Variants in CCDC134 observed in about 807,000 individuals in gnomAD.
CCDC134 encodes coiled-coil domain containing 134, also known as coiled-coil domain-containing protein 134.
In CCDC134, 27 loss-of-function variants were observed where a neutral mutation model predicts 25.6. The observed-to-expected ratio is 1.05, with a 90% CI of 0.78 to 1.45. CCDC134 has a LOEUF of 1.45. Among genes scored for constraint, CCDC134 ranks in the 40% most tolerant of loss-of-function variants. The pLI is 0.00. For missense variants in CCDC134, 261 were observed against 286.7 expected (o/e 0.91, Z 0.65); for synonymous variants, 110 against 115.0 (o/e 0.96, Z 0.28).
rs7285782 is a variant in CCDC134 at position 41,829,014 on chromosome 22, T to G, written c.*3191T>G. The stretch of plus-strand genomic sequence containing the variant: ...CGTTTGGGGCTAGGTAATCGTTGGG[T>G]GTGTGAGTGTGAAGAGGGCTGTCCT... On this transcript the variant is annotated 3_prime_UTR_variant, in exon 7 of 7. Transcript: ENST00000255784. Among the ~76,000 whole-genome samples the G allele has an allele frequency of 0.35, 52,893 of 151,978 alleles. 10,123 individuals carry two copies. The highest frequency in any genetic ancestry group is 0.44 in the Non-Finnish European group (29,660 of 67,934).
At chr22:41,823,677 C>T (rs747885070) in intron 6 of CCDC134, among the ~76,000 whole-genome samples, 2 of 152,240 alleles carry the variant, frequency 1.3e-5, no homozygotes, top group African/African-American at 2.4e-5. Context: ...CCCAGCAACT[C>T]AGAGCATAAG....
In CCDC134 at chr22:41,831,231, C is replaced by G. The variant is rs2076707322; in HGVS notation, c.*5408C>G. On this transcript the variant is annotated 3_prime_UTR_variant, in exon 7 of 7. Coordinates refer to ENST00000255784, the MANE Select transcript of CCDC134 (RefSeq NM_024821.5). ...CTTTTTTTTGAGACAGAGTCTTGCT[C>G]TGTCTCCCAGGCTGGAGTGCAGCGA... The G allele has an allele frequency of 6.6e-6, 1 of 152,116 alleles. No homozygotes were observed. The highest frequency in any genetic ancestry group is 2.1e-4 in the South Asian group (1 of 4,814). The allele number at this position is 152,116 out of a possible 1,614,324, so 9.4% of individuals were successfully genotyped here. A position where few individuals can be genotyped will look rare whatever the true frequency, so the allele number is the denominator to read the frequency against.
intron 4 of CCDC134, among the ~76,000 whole-genome samples, chr22:41,810,737 G>A (rs1187411878): frequency 6.6e-6 from 1 of 151,846 alleles, no homozygotes; most frequent in Non-Finnish European, 1.5e-5. Flanking sequence ...CTCATGATCC[G>A]CCCACCTCGG....
At chr22:41,811,987 G>A (rs1236518283) in intron 4 of CCDC134, among the ~76,000 whole-genome samples, 1 of 152,124 alleles carries the variant, frequency 6.6e-6, no homozygotes, top group Non-Finnish European at 1.5e-5. Context: ...CACTAACAAA[G>A]CTCAGTCTAA....
At chr22:41,812,244 A>C (rs1277353583) in intron 4 of CCDC134, among the ~76,000 whole-genome samples, 2 of 152,074 alleles carry the variant, frequency 1.3e-5, no homozygotes, top group Non-Finnish European at 2.9e-5. Context: ...AACACGGTGA[A>C]ACCCCATCTC....
At chr22:41,801,413 C>G (rs145486270) in intron 1 of CCDC134, among the ~76,000 whole-genome samples, 1 of 152,260 alleles carries the variant, frequency 6.6e-6, no homozygotes, top group African/African-American at 2.4e-5. Flanking sequence ...CAGCTCTGAT[C>G]TCAGGTAGCC....
intron 6 of CCDC134, among the ~76,000 whole-genome samples, chr22:41,818,341 A>G (rs1374804271): frequency 1.3e-5 from 2 of 152,182 alleles, no homozygotes; most frequent in African/African-American, 2.4e-5. Flanking sequence ...CAAAATGGCA[A>G]ACTCCCCGGA....
rs1284275582 is a variant in CCDC134, at chr22:41,826,484, G to C, written c.*661G>C. The stretch of plus-strand genomic sequence containing the variant: ...TTGACAAATGATTGGTGTTGGGAAA[G>C]GACCTGGAAGTGCCCTGGGACCTGG... On this transcript the variant is annotated 3_prime_UTR_variant, in exon 7 of 7. Coordinates refer to ENST00000255784, the MANE Select transcript of CCDC134 (RefSeq NM_024821.5). 6.6e-6 allele frequency among the ~76,000 whole-genome samples: 1 copy of C among 152,258 alleles called. No homozygotes were observed. Among genetic ancestry groups the C allele is most frequent in the Non-Finnish European group, 1.5e-5 (1 of 68,038 alleles).
chr22:41,809,868 A>C lies in CCDC134; in HGVS notation c.104-11A>C. 6.2e-7 allele frequency: 1 copy of C among 1,614,096 alleles called. No individual in the cohort carries two copies. Among genetic ancestry groups the C allele is most frequent in the Non-Finnish European group, 8.5e-7 (1 of 1,180,008 alleles). ...CTATTGATGCCAGCCCCTTAACTTA[A>C]TTCTGCCCAGACAAGAAGATGTTTG... is the stretch of plus-strand genomic sequence containing the variant. On this transcript the variant is annotated splice_polypyrimidine_tract_variant and intron_variant, in intron 2 of 6. Coordinates refer to ENST00000255784, the MANE Select transcript of CCDC134 (RefSeq NM_024821.5).
intron 1 of CCDC134, among the ~76,000 whole-genome samples, chr22:41,807,370 C>G (rs547451915): frequency 6.6e-6 from 1 of 152,052 alleles, no homozygotes; most frequent in Non-Finnish European, 1.5e-5. Flanking sequence ...CAAGACTAGC[C>G]TGGGCAATGT....
chr22:41,812,417 G>A (rs568593287), intron 4 of CCDC134, among the ~76,000 whole-genome samples: 7 of 112,038 alleles, frequency 6.2e-5, no homozygotes, highest in South Asian at 5.7e-4. Context: ...GCGAGACTCC[G>A]TCTCCAAAAA....
At chr22:41,813,513 C>T in intron 5 of CCDC134, 68 bp downstream of exon 5, 1 of 1,555,826 alleles carries the variant, frequency 6.4e-7, no homozygotes. Context: ...CTCACATCTG[C>T]CTTCAGTTGG....
chr22:41,807,179 A>G (rs2076571985), intron 1 of CCDC134, among the ~76,000 whole-genome samples: 1 of 152,240 alleles, frequency 6.6e-6, no homozygotes, highest in Non-Finnish European at 1.5e-5. Flanking sequence ...GTACAGAATC[A>G]AGTTATACTA....
At chr22:41,812,867 G>A (rs2076603813) in intron 4 of CCDC134, among the ~76,000 whole-genome samples, 1 of 152,192 alleles carries the variant, frequency 6.6e-6, no homozygotes, top group South Asian at 2.1e-4. Flanking sequence ...AAAGTCTCAT[G>A]TGATACATCA....
At chr22:41,818,213 C>A (rs770798963) in intron 6 of CCDC134, among the ~76,000 whole-genome samples, 22 of 152,212 alleles carry the variant, frequency 1.4e-4, no homozygotes, top group Non-Finnish European at 2.4e-4. Context: ...CTTCATTCCT[C>A]CCGCAATTAG....
intron 2 of CCDC134, 144 bp from the exon 3 acceptor site, chr22:41,809,735 T>C (rs2076585015): frequency 2.0e-6 from 2 of 1,011,330 alleles, no homozygotes; most frequent in Non-Finnish European, 2.9e-6. Flanking sequence ...CTTGTCAGTT[T>C]GTTCATTTCC....
chr22:41,804,899 G>C (rs1043732121), intron 1 of CCDC134, among the ~76,000 whole-genome samples: 4 of 152,148 alleles, frequency 2.6e-5, no homozygotes, highest in African/African-American at 9.6e-5. Flanking sequence ...GTGAAACGCT[G>C]TCTCTACTAA....
chr22:41,809,495 C>T (rs1331195799), intron 2 of CCDC134, among the ~76,000 whole-genome samples: 1 of 152,118 alleles, frequency 6.6e-6, no homozygotes, highest in Non-Finnish European at 1.5e-5. Context: ...GGTTTTTGAG[C>T]CAGGCCTTGA....
intron 4 of CCDC134, 69 bp downstream of exon 4, chr22:41,810,360 G>A (rs952381627): frequency 7.1e-7 from 1 of 1,417,374 alleles, no homozygotes; most frequent in Non-Finnish European, 9.8e-7. Flanking sequence ...CTTCTCTCCT[G>A]TTCTTGTCAC....
Sources: allele counts gnomAD v4.1 joint callset (sites outside exome capture counted in the v4.1 genomes callset), GRCh38; gene constraint gnomAD v4.1.1; transcripts MANE v1.5; gene names NCBI Gene and HGNC (gene_info 2026-07-23, HGNC 2026-07-21).